NCALD: variants seen among roughly 807,000 people sequenced by gnomAD.
The protein encoded by NCALD is neurocalcin delta.
A neutral mutation model predicts 18.6 loss-of-function variants in NCALD; 10 were observed. The ratio of observed to expected loss-of-function variants is 0.54; its 90% CI spans 0.33 to 0.91. The LOEUF is 0.91. NCALD is among the 40% of genes least tolerant of loss of function. The pLI is 0.03. For synonymous variants in NCALD, 88 were observed against 87.4 expected, an observed-to-expected ratio of 1.01 and a Z score of -0.04; for missense variants, 184 against 247.6, an observed-to-expected ratio of 0.74 and a Z score of 1.72.
chr8:101,716,968 C>T (rs1816116226), intron 2 of NCALD, among the ~76,000 whole-genome samples: 1 of 152,180 alleles, frequency 6.6e-6, no homozygotes, highest in Non-Finnish European at 1.5e-5. Context: ...AAAGGATTCT[C>T]CCCAACAGCC....
At chr8:101,948,011 G>A (rs2131794733) in intron 2 of NCALD, among the ~76,000 whole-genome samples, 1 of 152,352 alleles carries the variant, frequency 6.6e-6, no homozygotes, top group Non-Finnish European at 1.5e-5. Context: ...CCAGGTTATG[G>A]CCAGTCTTGG....
chr8:101,804,401 T>TCA lies in NCALD; in HGVS notation c.-20+82739_-20+82740insTG, dbSNP rs1413542854. Among the ~76,000 whole-genome samples the TCA allele has an allele frequency of 8.1e-5, 11 of 136,088 alleles. No homozygotes were observed. The South Asian group carries it at 8.7e-4, about 11-fold the overall frequency. The allele number at this position is 136,088 out of a possible 152,430, so 89.3% of individuals were successfully genotyped here. A position where few individuals can be genotyped will look rare whatever the true frequency, so the allele number is the denominator to read the frequency against. On this transcript the variant is annotated intron_variant, in intron 4 of 6. Transcript: ENST00000311028. ...ATGTTACTATATATAGAAATATATATATTTCTAAATATATACTATTTATAA... is the reference window on the plus strand; with the variant it reads ...ATGTTACTATATATAGAAATATATATCAATTTCTAAATATATACTATTTATAA...
At chr8:101,801,643 CTTTTTTTTTTTTTTTTTTTTTTTTTTT>C (rs71268530) in intron 4 of NCALD, among the ~76,000 whole-genome samples, 6 of 44,140 alleles carry the variant, frequency 1.4e-4, no homozygotes, top group East Asian at 9.3e-4. Context: ...AGCACACTTA[CTTTTTTTTTTTTTTTTTTTTTTTTTTT>C]TTTTTTTTTT....
At chr8:102,066,399 C>T (rs1297977104) in intron 1 of NCALD, among the ~76,000 whole-genome samples, 1 of 152,220 alleles carries the variant, frequency 6.6e-6, no homozygotes, top group African/African-American at 2.4e-5. Context: ...GTTATTCAAG[C>T]ATTTGTTCAG....
chr8:101,981,142 C>T (rs990664269), intron 2 of NCALD, among the ~76,000 whole-genome samples: 5 of 152,186 alleles, frequency 3.3e-5, no homozygotes, highest in Non-Finnish European at 1.5e-5. Flanking sequence ...GCAATAACCT[C>T]CTCTTATATT....
intron 4 of NCALD, among the ~76,000 whole-genome samples, chr8:101,879,529 C>T (rs1038466880): frequency 6.6e-5 from 10 of 152,174 alleles, no homozygotes; most frequent in African/African-American, 2.4e-4. Flanking sequence ...ACAGCAAGAG[C>T]TGCAAAAGGG....
At chr8:101,797,413 C>T (rs1250964492) in intron 4 of NCALD, among the ~76,000 whole-genome samples, 1 of 152,152 alleles carries the variant, frequency 6.6e-6, no homozygotes, top group Non-Finnish European at 1.5e-5. Flanking sequence ...CAACAAAAGA[C>T]TTTTCAACAG....
intron 2 of NCALD, among the ~76,000 whole-genome samples, chr8:101,982,641 C>T (rs983840063): frequency 6.6e-6 from 1 of 152,006 alleles, no homozygotes; most frequent in African/African-American, 2.4e-5. Flanking sequence ...GAGATCGAGA[C>T]GATCCTGGCT....
chr8:102,071,939 G>T (rs1297268574), intron 1 of NCALD, among the ~76,000 whole-genome samples: 1 of 152,126 alleles, frequency 6.6e-6, no homozygotes, highest in Non-Finnish European at 1.5e-5. Context: ...CAAAACCCCA[G>T]CAGGTATTGT....
intron 4 of NCALD, among the ~76,000 whole-genome samples, chr8:101,874,512 C>T (rs1816147830): frequency 6.6e-6 from 1 of 152,100 alleles, no homozygotes; most frequent in Admixed American, 6.5e-5. Context: ...GGCCCCCAGT[C>T]GAACAGCTGC....
At chr8:102,041,699 G>T (rs1241470646) in intron 1 of NCALD, among the ~76,000 whole-genome samples, 2 of 152,180 alleles carry the variant, frequency 1.3e-5, no homozygotes, top group Non-Finnish European at 2.9e-5. Flanking sequence ...AATCAGAACT[G>T]CTTTCTGAAA....
At chr8:102,118,039 T>C (rs926834084) in intron 1 of NCALD, among the ~76,000 whole-genome samples, 1 of 152,248 alleles carries the variant, frequency 6.6e-6, no homozygotes, top group African/African-American at 2.4e-5. Flanking sequence ...AAATTGGGGA[T>C]AATTAGAACA....
intron 1 of NCALD, among the ~76,000 whole-genome samples, chr8:102,073,817 G>T (rs900422523): frequency 1.3e-5 from 2 of 152,286 alleles, no homozygotes; most frequent in South Asian, 2.1e-4. Context: ...TAAAATGTTT[G>T]CATTAATAAG....
intron 1 of NCALD, among the ~76,000 whole-genome samples, chr8:101,785,038 T>C (rs977495868): frequency 6.6e-6 from 1 of 152,182 alleles, no homozygotes; most frequent in Admixed American, 6.5e-5. Context: ...GGCAATATAG[T>C]ATAGTGAATA....
chr8:102,023,163 A>T (rs937262565), intron 1 of NCALD, among the ~76,000 whole-genome samples: 1 of 152,246 alleles, frequency 6.6e-6, no homozygotes, highest in Non-Finnish European at 1.5e-5. Context: ...AGGCCCAGGC[A>T]GTGACGCTGA....
intron 3 of NCALD, chr8:101,691,410 C>T: frequency 3.0e-6 from 3 of 985,296 alleles, no homozygotes; most frequent in Non-Finnish European, 3.6e-6. Flanking sequence ...AGTGGAAAGA[C>T]CCTAATTCAT....
chr8:101,890,967 A>G (rs1179426449), intron 3 of NCALD, among the ~76,000 whole-genome samples: 1 of 152,210 alleles, frequency 6.6e-6, no homozygotes, highest in Non-Finnish European at 1.5e-5. Flanking sequence ...ATAACATGGA[A>G]TATCGATAAA....
chr8:102,044,853 G>A (rs938444875), intron 1 of NCALD, among the ~76,000 whole-genome samples: 5 of 152,144 alleles, frequency 3.3e-5, no homozygotes, highest in Non-Finnish European at 5.9e-5. Context: ...GTCCTCTCCA[G>A]GCTTCAGTTT....
chr8:101,724,692 T>TGA (rs1415741590), intron 1 of NCALD, among the ~76,000 whole-genome samples: 1 of 152,210 alleles, frequency 6.6e-6, no homozygotes. Context: ...ACAACCTGTG[T>TGA]GATAGGCAGG....
Sources: gnomAD v4.1 joint callset for allele counts (sites outside exome capture counted in the v4.1 genomes callset) on GRCh38, gnomAD v4.1.1 for gene constraint, MANE v1.5 for transcripts, NCBI Gene and HGNC (gene_info 2026-07-23, HGNC 2026-07-21) for gene names.